Variants in SGCD observed in about 807,000 individuals in gnomAD.
SGCD encodes delta-sarcoglycan.
A neutral mutation model predicts 36.6 loss-of-function variants in SGCD; 18 were observed. The ratio of observed to expected loss-of-function variants is 0.49; its 90% CI spans 0.34 to 0.73. The LOEUF (loss-of-function observed/expected upper bound fraction) is 0.73. SGCD is among the 30% of genes least tolerant of loss of function. The probability of loss-of-function intolerance (pLI) is 0.01; values close to 1 mark genes in which losing one functional copy is unlikely to be tolerated. For synonymous variants in SGCD, 133 were observed against 130.6 expected, an observed-to-expected ratio of 1.02 and a Z score of -0.12; for missense variants, 387 against 346.7, an observed-to-expected ratio of 1.12 and a Z score of -0.92.
intron 1 of SGCD, among the ~76,000 whole-genome samples, chr5:156,013,949 T>C (rs1227735923): frequency 6.6e-6 from 1 of 152,096 alleles, no homozygotes; most frequent in Non-Finnish European, 1.5e-5. Flanking sequence ...TTCATGCTTT[T>C]TGTCTCCGAG....
chr5:156,002,213 A>C (rs1446258527), intron 1 of SGCD, among the ~76,000 whole-genome samples: 1 of 152,148 alleles, frequency 6.6e-6, no homozygotes, highest in Non-Finnish European at 1.5e-5. Flanking sequence ...TCTGTATAAG[A>C]AGATGAGATT....
At chr5:156,225,919 A>G (rs1486789804) in intron 3 of SGCD, among the ~76,000 whole-genome samples, 1 of 152,118 alleles carries the variant, frequency 6.6e-6, no homozygotes, top group East Asian at 1.9e-4. Context: ...GAGGATTTAC[A>G]CAGATGCATG....
At chr5:155,867,349 A>G (rs1322154412), upstream of SGCD, among the ~76,000 whole-genome samples, 1 of 152,182 alleles carries the variant, frequency 6.6e-6, no homozygotes, top group Non-Finnish European at 1.5e-5. Flanking sequence ...GCAAAAGAAA[A>G]TGATACTGAA....
At chr5:156,218,673 G>A (rs1009266898) in intron 3 of SGCD, among the ~76,000 whole-genome samples, 4 of 151,936 alleles carry the variant, frequency 2.6e-5, no homozygotes, top group Non-Finnish European at 4.4e-5. Context: ...TCTATTTCCT[G>A]GTCACATTTT....
At position 156,362,510 on chromosome 5, in the gene SGCD, G is replaced by A. The variant is rs189220168; in HGVS notation, c.192+17833G>A. Among the ~76,000 whole-genome samples, 893 of 152,264 alleles carry A rather than the reference G, an allele frequency of 5.9e-3. 6 individuals are homozygous for A. Among genetic ancestry groups the A allele is most frequent in the Non-Finnish European group, 9.9e-3 (672 of 68,016 alleles). ...AAATTATAAAAATTAGCTGGGAGTAGTGGTGCGCATCTGTAGTCCCAGCTA... is the reference window on the plus strand; with the variant it reads ...AAATTATAAAAATTAGCTGGGAGTAATGGTGCGCATCTGTAGTCCCAGCTA... On this transcript the variant is annotated intron_variant, in intron 3 of 8. Transcript: ENST00000337851.
chr5:155,767,197 CT>C, the SGCD span, among the ~76,000 whole-genome samples: 1 of 152,202 alleles, frequency 6.6e-6, no homozygotes, highest in East Asian at 1.9e-4. Context: ...GTGGGTCAGG[CT>C]GCTGGTGCGC....
the SGCD span, among the ~76,000 whole-genome samples, chr5:155,768,763 C>T: frequency 1.3e-5 from 2 of 152,064 alleles, no homozygotes; most frequent in African/African-American, 4.8e-5. Flanking sequence ...AGTGAATCAC[C>T]TCAAAAATTC....
chr5:156,468,528 C>T (rs1044349987), intron 3 of SGCD, among the ~76,000 whole-genome samples: 2 of 152,034 alleles, frequency 1.3e-5, no homozygotes, highest in African/African-American at 4.8e-5. Flanking sequence ...AGAGAAGGGA[C>T]AACCTAAAAA....
intron 1 of SGCD, among the ~76,000 whole-genome samples, chr5:155,929,391 T>C (rs1757057266): frequency 6.6e-6 from 1 of 152,228 alleles, no homozygotes; most frequent in Non-Finnish European, 1.5e-5. Context: ...AAAGATTCTT[T>C]CTTTCTATAT....
intron 1 of SGCD, among the ~76,000 whole-genome samples, chr5:156,056,944 TC>T (rs1474443231): frequency 6.8e-6 from 1 of 146,122 alleles, no homozygotes; most frequent in East Asian, 1.9e-4. Flanking sequence ...AGCAGTTTTA[TC>T]AAGACAGGGT....
chr5:156,511,849 T>C (rs1389204388), intron 4 of SGCD, among the ~76,000 whole-genome samples: 1 of 152,142 alleles, frequency 6.6e-6, no homozygotes, highest in Non-Finnish European at 1.5e-5. Flanking sequence ...AGCGAATCAC[T>C]GAAAATGAAA....
upstream of SGCD, among the ~76,000 whole-genome samples, chr5:156,321,851 C>T (rs1197914265): frequency 2.0e-5 from 3 of 152,194 alleles, no homozygotes; most frequent in Non-Finnish European, 4.4e-5. Flanking sequence ...CCAGTCCTGC[C>T]TTCACATCCA....
chr5:156,245,892 A>G (rs1453580998), intron 3 of SGCD, among the ~76,000 whole-genome samples: 1 of 152,162 alleles, frequency 6.6e-6, no homozygotes, highest in African/African-American at 2.4e-5. Flanking sequence ...CTCTCAAGAA[A>G]AGGGTGGCTA....
intron 3 of SGCD, among the ~76,000 whole-genome samples, chr5:156,138,980 T>C (rs755832978): frequency 1.1e-4 from 16 of 152,264 alleles, no homozygotes; most frequent in Non-Finnish European, 2.1e-4. Context: ...TGTATATCTG[T>C]TGTGAAAAGT....
chr5:156,543,282 T>A (rs1439599776), intron 4 of SGCD, among the ~76,000 whole-genome samples: 2 of 152,214 alleles, frequency 1.3e-5, no homozygotes, highest in African/African-American at 4.8e-5. Context: ...AAAGTCTGCC[T>A]GATATGCCTC....
intron 1 of SGCD, among the ~76,000 whole-genome samples, chr5:155,924,825 T>C (rs1214318254): frequency 6.6e-6 from 1 of 152,128 alleles, no homozygotes; most frequent in East Asian, 1.9e-4. Context: ...GAAATGCAAA[T>C]AAGAGAATGT....
At chr5:156,502,051 T>A (rs78222194) in intron 3 of SGCD, among the ~76,000 whole-genome samples, 11 of 152,058 alleles carry the variant, frequency 7.2e-5, no homozygotes, top group Non-Finnish European at 1.6e-4. Context: ...TTTTTTTTTT[T>A]TTGTTTGGTT....
At chr5:155,954,083 A>G (rs889568276) in intron 1 of SGCD, among the ~76,000 whole-genome samples, 1 of 152,188 alleles carries the variant, frequency 6.6e-6, no homozygotes, top group Non-Finnish European at 1.5e-5. Flanking sequence ...CTGTCAAACT[A>G]AGACCAAAAA....
chr5:155,797,278 A>T, the SGCD span, among the ~76,000 whole-genome samples: 1 of 152,214 alleles, frequency 6.6e-6, no homozygotes, highest in African/African-American at 2.4e-5. Flanking sequence ...AGAAATAATG[A>T]ATCTTCACAA....
Sources: allele counts gnomAD v4.1 joint callset (sites outside exome capture counted in the v4.1 genomes callset), GRCh38; gene constraint gnomAD v4.1.1; transcripts MANE v1.5; gene names NCBI Gene and HGNC (gene_info 2026-07-23, HGNC 2026-07-21).